The following ETS1 variants were observed in gnomAD, a reference collection of about 807,000 sequenced individuals.
The protein encoded by ETS1 is ETS proto-oncogene 1, transcription factor, also known as protein C-ets-1.
In ETS1, 15 loss-of-function variants were observed where a neutral mutation model predicts 58.6. The ratio of observed to expected loss-of-function variants is 0.26; its 90% CI spans 0.17 to 0.39. The LOEUF (loss-of-function observed/expected upper bound fraction) is 0.39. Among genes scored for constraint, ETS1 ranks in the 10% least tolerant of loss-of-function variants. ETS1 has a pLI of 1.00. For missense variants in ETS1, 417 were observed against 610.5 expected (o/e 0.68, Z 3.34); for synonymous variants, 214 against 218.2 (o/e 0.98, Z 0.17).
chr11:128,544,778 T>C (rs1864107894), intron 3 of ETS1, among the ~76,000 whole-genome samples: 1 of 152,080 alleles, frequency 6.6e-6, no homozygotes, highest in South Asian at 2.1e-4. Flanking sequence ...TATTCAACAA[T>C]GGCTACACTG....
At chr11:128,585,315 A>AGGAAGGAAG (rs1555093277) in intron 1 of ETS1, among the ~76,000 whole-genome samples, 1 of 136,358 alleles carries the variant, frequency 7.3e-6, no homozygotes, top group African/African-American at 2.8e-5. Flanking sequence ...AAGGGAGGGA[A>AGGAAGGAAG]GAAGGAAGGA....
intron 2 of ETS1, among the ~76,000 whole-genome samples, chr11:128,568,708 G>A (rs1348886216): frequency 6.6e-6 from 1 of 152,180 alleles, no homozygotes; most frequent in African/African-American, 2.4e-5. Context: ...CCTGAGGCTG[G>A]CATGGATTTT....
At chr11:128,474,649 C>T (rs774402586) in intron 8 of ETS1, among the ~76,000 whole-genome samples, 3 of 152,112 alleles carry the variant, frequency 2.0e-5, no homozygotes, top group Non-Finnish European at 4.4e-5. Flanking sequence ...CCACTGAGAT[C>T]CCCAGGTCCA....
rs1019780526 is a variant in ETS1 at position 128,533,702 on chromosome 11, T to TA, written c.214+22588dup. ...CCATGGTTTCCAAGGCCTTGCTAGA[T>TA]AAAATCAGGCACTTCCTACTCTGTG... On this transcript the variant is annotated intron_variant, in intron 3 of 9. Coordinates refer to ENST00000392668, the MANE Select transcript of ETS1 (RefSeq NM_001143820.2). Among the ~76,000 whole-genome samples, 13 of 152,304 alleles carry TA rather than the reference T, an allele frequency of 8.5e-5. 1 individual carries two copies. Among genetic ancestry groups the TA allele is most frequent in the African/African-American group, 2.9e-4 (12 of 41,552 alleles).
intron 3 of ETS1, among the ~76,000 whole-genome samples, chr11:128,492,691 T>C (rs993451868): frequency 1.3e-5 from 2 of 151,820 alleles, no homozygotes; most frequent in African/African-American, 2.4e-5. Flanking sequence ...ATCAAATGAG[T>C]CACTAAGAAA....
chr11:128,527,127 T>C (rs1863815507), intron 3 of ETS1: 2 of 362,372 alleles, frequency 5.5e-6, no homozygotes, highest in Non-Finnish European at 1.1e-5. Flanking sequence ...GAAATCCAAC[T>C]TCTCTACACT....
intron 3 of ETS1, among the ~76,000 whole-genome samples, chr11:128,517,205 G>T (rs911246957): frequency 6.6e-6 from 1 of 152,158 alleles, no homozygotes; most frequent in Non-Finnish European, 1.5e-5. Context: ...CAGCTCAGGG[G>T]GCTCTTGCAG....
At chr11:128,465,745 G>A (rs745490128) in intron 8 of ETS1, among the ~76,000 whole-genome samples, 15 of 152,190 alleles carry the variant, frequency 9.9e-5, no homozygotes, top group Non-Finnish European at 7.3e-5. Flanking sequence ...TGCTATGCTT[G>A]ACGGTGCACC....
chr11:128,527,947 G>A (rs1159320569), intron 3 of ETS1, among the ~76,000 whole-genome samples: 1 of 152,142 alleles, frequency 6.6e-6, no homozygotes, highest in Non-Finnish European at 1.5e-5. Flanking sequence ...TGCCCCAAAA[G>A]ACTAACATTT....
At chr11:128,560,226 C>G (rs1466112683) in intron 2 of ETS1, among the ~76,000 whole-genome samples, 1 of 152,186 alleles carries the variant, frequency 6.6e-6, no homozygotes, top group East Asian at 1.9e-4. Flanking sequence ...GATTCTCCTG[C>G]CTCAGCCTCC....
intron 2 of ETS1, among the ~76,000 whole-genome samples, chr11:128,564,018 C>T (rs1342263407): frequency 6.6e-6 from 1 of 152,032 alleles, no homozygotes; most frequent in African/African-American, 2.4e-5. Context: ...ACCCTCCCAA[C>T]CACCCTACGG....
At chr11:128,467,427 G>A (rs1862068766) in intron 8 of ETS1, among the ~76,000 whole-genome samples, 1 of 152,164 alleles carries the variant, frequency 6.6e-6, no homozygotes, top group African/African-American at 2.4e-5. Flanking sequence ...CTCTTCTAGA[G>A]GGTGTTTCTG....
chr11:128,532,093 T>C (rs1057022270), intron 3 of ETS1, among the ~76,000 whole-genome samples: 22 of 152,228 alleles, frequency 1.4e-4, no homozygotes, highest in African/African-American at 5.1e-4. Context: ...CGGTTTAACT[T>C]GTGCTATAAA....
At chr11:128,485,944 A>G (rs1464660385) in intron 6 of ETS1, 125 bp downstream of exon 6, 10 of 639,844 alleles carry the variant, frequency 1.6e-5, no homozygotes, top group Admixed American at 2.7e-5. Context: ...AACAAAGAAG[A>G]GTCTACATCT....
intron 3 of ETS1, 145 bp from the exon 4 acceptor site, chr11:128,490,721 T>TG: frequency 1.8e-6 from 1 of 565,536 alleles, no homozygotes; most frequent in Non-Finnish European, 3.1e-6. Context: ...GCAATTTTTT[T>TG]TTTTTTTTTT....
intron 3 of ETS1, among the ~76,000 whole-genome samples, chr11:128,511,630 A>G (rs892603073): frequency 2.6e-5 from 4 of 152,236 alleles, no homozygotes; most frequent in African/African-American, 9.6e-5. Flanking sequence ...GATGCATAAA[A>G]TATGTGGGTG....
chr11:128,484,769 A>G (rs1862579662), intron 7 of ETS1, 54 bp downstream of exon 7: 11 of 1,543,852 alleles, frequency 7.1e-6, no homozygotes, highest in Non-Finnish European at 9.6e-6. Flanking sequence ...AAAACTCACA[A>G]AGTCAGGTAA....
At chr11:128,560,533 A>T (rs1295132381) in intron 2 of ETS1, among the ~76,000 whole-genome samples, 40 of 152,222 alleles carry the variant, frequency 2.6e-4, no homozygotes. Context: ...TGCAGCTAAT[A>T]AAACAATGGA....
rs192263941 is a variant in ETS1 at position 128,503,680 on chromosome 11, C to T, written c.215-13104G>A. ...ACTGCTTCCTTGACTCCTCCCCTATCCCCTGCTCCCAACAGACTAATTATT... is the reference window on the plus strand; with the variant it reads ...ACTGCTTCCTTGACTCCTCCCCTATTCCCTGCTCCCAACAGACTAATTATT... On this transcript the variant is annotated intron_variant, in intron 3 of 9. Coordinates refer to ENST00000392668, the MANE Select transcript of ETS1 (RefSeq NM_001143820.2). 2.6e-5 allele frequency among the ~76,000 whole-genome samples: 4 copies of T among 152,296 alleles called. No homozygotes were observed. In the East Asian group the frequency reaches 7.7e-4, roughly 29 times the overall value.
Sources: allele counts gnomAD v4.1 joint callset (sites outside exome capture counted in the v4.1 genomes callset), GRCh38; gene constraint gnomAD v4.1.1; transcripts MANE v1.5; gene names NCBI Gene and HGNC (gene_info 2026-07-23, HGNC 2026-07-21).